The following SPMIP2 variants were observed in gnomAD, a reference collection of about 807,000 sequenced individuals.
SPMIP2 encodes sperm microtubule inner protein 2.
chr4:159,066,780 A>G, the SPMIP2 span, among the ~76,000 whole-genome samples: 2 of 152,054 alleles, frequency 1.3e-5, no homozygotes, highest in Admixed American at 1.3e-4. Context: ...ATTTGAATTT[A>G]TACCAGGGGT....
At chr4:158,973,983 CAAAAA>C in the SPMIP2 span, among the ~76,000 whole-genome samples, 1 of 64,972 alleles carries the variant, frequency 1.5e-5, no homozygotes, top group Non-Finnish European at 2.6e-5. Context: ...AAGGCCACCT[CAAAAA>C]AAAAAAAAAA....
the SPMIP2 span, among the ~76,000 whole-genome samples, chr4:159,061,399 G>T: frequency 2.0e-5 from 3 of 151,796 alleles, no homozygotes; most frequent in Non-Finnish European, 2.9e-5. Context: ...GAACACTGTT[G>T]GCCCTTCACT....
the SPMIP2 span, among the ~76,000 whole-genome samples, chr4:158,937,851 AAG>A: frequency 7.9e-5 from 12 of 152,334 alleles, no homozygotes; most frequent in African/African-American, 2.9e-4. Context: ...AATGGGTACT[AAG>A]AGGTTATTTG....
At chr4:159,029,604 A>G in the SPMIP2 span, among the ~76,000 whole-genome samples, 3 of 152,204 alleles carry the variant, frequency 2.0e-5, no homozygotes, top group African/African-American at 7.2e-5. Context: ...AAAAGAAGAG[A>G]AATGAGTGGG....
At chr4:158,913,544 A>T in the SPMIP2 span, among the ~76,000 whole-genome samples, 1 of 152,154 alleles carries the variant, frequency 6.6e-6, no homozygotes, top group African/African-American at 2.4e-5. Flanking sequence ...TCGACTATGA[A>T]CTTTAGATTA....
At chr4:159,058,128 G>A in the SPMIP2 span, among the ~76,000 whole-genome samples, 53 of 99,760 alleles carry the variant, frequency 5.3e-4, no homozygotes, top group Non-Finnish European at 1.0e-3. Flanking sequence ...TAAAATGCTG[G>A]GATTATCAGG....
chr4:159,034,839 C>T, the SPMIP2 span, among the ~76,000 whole-genome samples: 3 of 151,722 alleles, frequency 2.0e-5, no homozygotes, highest in Non-Finnish European at 4.4e-5. Flanking sequence ...TGCAGTGAGC[C>T]GAGATCGCGC....
At chr4:159,063,688 A>G in the SPMIP2 span, among the ~76,000 whole-genome samples, 20 of 152,334 alleles carry the variant, frequency 1.3e-4, no homozygotes, top group African/African-American at 4.6e-4. Flanking sequence ...TACAAGGATA[A>G]TATCAAAAGA....
the SPMIP2 span, among the ~76,000 whole-genome samples, chr4:159,025,081 G>C: frequency 0.15 from 23,439 of 152,222 alleles, 1,817 homozygotes; most frequent in East Asian, 0.23. Context: ...TAAGTAAGTG[G>C]TGGAGCCAGA....
chr4:159,082,724 G>T, the SPMIP2 span, among the ~76,000 whole-genome samples: 29 of 152,216 alleles, frequency 1.9e-4, no homozygotes, highest in East Asian at 5.6e-3. Context: ...AAACCATTCT[G>T]GTTATATATT....
the SPMIP2 span, among the ~76,000 whole-genome samples, chr4:158,967,004 T>C: frequency 4.6e-5 from 7 of 152,218 alleles, no homozygotes; most frequent in South Asian, 6.2e-4. Context: ...GGCTTCCCAT[T>C]CCAAACGCAT....
At chr4:158,922,928 A>G in the SPMIP2 span, among the ~76,000 whole-genome samples, 1 of 152,224 alleles carries the variant, frequency 6.6e-6, no homozygotes, top group Non-Finnish European at 1.5e-5. Flanking sequence ...TGACCAAATA[A>G]TATTTCATGG....
chr4:158,999,374 A>G, the SPMIP2 span, among the ~76,000 whole-genome samples: 1 of 152,216 alleles, frequency 6.6e-6, no homozygotes, highest in Non-Finnish European at 1.5e-5. Flanking sequence ...TAAACAGTAC[A>G]TTAGGAAGGG....
the SPMIP2 span, among the ~76,000 whole-genome samples, chr4:159,066,391 A>G: frequency 1.3e-5 from 2 of 152,006 alleles, no homozygotes; most frequent in South Asian, 4.1e-4. Context: ...CAATGCCCTC[A>G]GGATATACGA....
chr4:159,009,723 C>T, the SPMIP2 span, among the ~76,000 whole-genome samples: 62 of 152,182 alleles, frequency 4.1e-4, no homozygotes, highest in African/African-American at 1.4e-3. Flanking sequence ...GTAATCCTAG[C>T]ACTTAGGGAG....
the SPMIP2 span, among the ~76,000 whole-genome samples, chr4:159,029,348 T>G: frequency 6.6e-6 from 1 of 152,198 alleles, no homozygotes; most frequent in Non-Finnish European, 1.5e-5. Flanking sequence ...ATAAAAATAT[T>G]CAGTATCTTA....
the SPMIP2 span, chr4:159,026,364 A>C: frequency 1.4e-6 from 1 of 738,176 alleles, no homozygotes; most frequent in Non-Finnish European, 2.4e-6. Flanking sequence ...ATAGCAAAAA[A>C]ACTCAGACTC....
chr4:159,007,881 G>GAAAAAAAA, the SPMIP2 span: 4 of 482,266 alleles, frequency 8.3e-6, no homozygotes, highest in Admixed American at 7.6e-5. Flanking sequence ...TTGTGTGTGG[G>GAAAAAAAA]AAAAAAAAGA....
chr4:158,944,100 C>T, the SPMIP2 span, among the ~76,000 whole-genome samples: 2 of 151,968 alleles, frequency 1.3e-5, no homozygotes, highest in African/African-American at 4.8e-5. Flanking sequence ...GTGATGCAAC[C>T]ACCTTGGCCT....
Sources: allele counts gnomAD v4.1 joint callset (sites outside exome capture counted in the v4.1 genomes callset), GRCh38; gene constraint gnomAD v4.1.1; transcripts MANE v1.5; gene names NCBI Gene and HGNC (gene_info 2026-07-23, HGNC 2026-07-21).